Variants in SCML2 observed in about 807,000 individuals in gnomAD.
SCML2 encodes sex comb on midleg-like protein 2.
SCML2 carries 6 observed loss-of-function variants against 48.4 expected under a neutral mutation model. The observed-to-expected ratio is 0.12, with a 90% confidence interval of 0.07 to 0.24. SCML2 has a LOEUF of 0.24. Among genes scored for constraint, SCML2 ranks in the 10% least tolerant of loss-of-function variants. The pLI is 1.00. For synonymous variants in SCML2, 181 were observed against 189.5 expected (o/e 0.95, Z 0.37); for missense variants, 377 against 528.2 (o/e 0.71, Z 2.81).
intron 1 of SCML2, among the ~76,000 whole-genome samples, chrX:18,345,922 A>ATT (rs761796032): frequency 4.1e-5 from 4 of 98,371 alleles, no homozygotes; most frequent in African/African-American, 1.5e-4. Flanking sequence ...TCAGCAACTA[A>ATT]TTTTTTTTTT....
At chrX:18,273,583 T>C (rs1024610170) in intron 7 of SCML2, among the ~76,000 whole-genome samples, 1 of 111,751 alleles carries the variant, frequency 8.9e-6, no homozygotes, top group Non-Finnish European at 1.9e-5. Flanking sequence ...AGATGTGTTA[T>C]TCATGCCTGT....
intron 1 of SCML2, among the ~76,000 whole-genome samples, chrX:18,346,328 A>G (rs1930200753): frequency 9.0e-6 from 1 of 111,409 alleles, no homozygotes; most frequent in African/African-American, 3.3e-5. Flanking sequence ...TATAGAATTC[A>G]GTTTATAAAT....
intron 12 of SCML2, among the ~76,000 whole-genome samples, chrX:18,247,168 G>GT (rs1449419455): frequency 1.8e-5 from 2 of 110,326 alleles, no homozygotes; most frequent in African/African-American, 3.3e-5. Flanking sequence ...AATCTTTTGG[G>GT]TTTTTTTTAG....
chrX:18,264,930 C>T (rs989862281), intron 8 of SCML2, among the ~76,000 whole-genome samples: 1 of 111,825 alleles, frequency 8.9e-6, no homozygotes, highest in Non-Finnish European at 1.9e-5. Context: ...TTCCCTTTAA[C>T]AGCCACAGTT....
intron 11 of SCML2, among the ~76,000 whole-genome samples, chrX:18,254,518 T>C (rs1293525175): frequency 1.8e-5 from 2 of 112,778 alleles, no homozygotes; most frequent in Non-Finnish European, 3.7e-5. Flanking sequence ...TTGATTAATC[T>C]GAAAATTCAA....
chrX:18,331,712 T>C (rs1019269559), intron 2 of SCML2, among the ~76,000 whole-genome samples: 2 of 111,882 alleles, frequency 1.8e-5, no homozygotes, highest in African/African-American at 6.5e-5. Context: ...GGTTGATATG[T>C]CTCTTACATC....
chrX:18,282,401 G>A (rs1467077714), intron 7 of SCML2, among the ~76,000 whole-genome samples: 1 of 111,382 alleles, frequency 9.0e-6, no homozygotes, highest in Non-Finnish European at 1.9e-5. Flanking sequence ...ACTTTGGGAG[G>A]CCGAGGTGAG....
intron 7 of SCML2, among the ~76,000 whole-genome samples, chrX:18,296,256 T>G (rs1241865595): frequency 9.2e-6 from 1 of 109,139 alleles, no homozygotes; most frequent in African/African-American, 3.3e-5. Flanking sequence ...ACCAGAGAAA[T>G]AGATAGCATA....
chrX:18,245,605 C>T (rs758065156), intron 13 of SCML2, among the ~76,000 whole-genome samples: 1 of 112,054 alleles, frequency 8.9e-6, no homozygotes, highest in Admixed American at 9.4e-5. Flanking sequence ...ACTCCTCAAC[C>T]TCGCCTGCAT....
At chrX:18,350,584 A>G (rs191201415) in intron 1 of SCML2, among the ~76,000 whole-genome samples, 98 of 107,579 alleles carry the variant, frequency 9.1e-4, no homozygotes, top group African/African-American at 3.2e-3. Flanking sequence ...TCGGAAAAAA[A>G]AAAAAAAAAA....
chrX:18,329,970 C>T (rs1378394215), intron 3 of SCML2, among the ~76,000 whole-genome samples: 1 of 111,666 alleles, frequency 9.0e-6, no homozygotes, highest in Non-Finnish European at 1.9e-5. Context: ...CCCAGCTACT[C>T]GGGAGGCTGA....
chrX:18,296,968 A>T (rs1438383784), intron 7 of SCML2, among the ~76,000 whole-genome samples: 2 of 111,778 alleles, frequency 1.8e-5, no homozygotes, highest in African/African-American at 6.5e-5. Context: ...ACTACAGGTC[A>T]ATTTCCCTAC....
intron 7 of SCML2, among the ~76,000 whole-genome samples, chrX:18,281,389 T>G (rs1476797657): frequency 9.0e-6 from 1 of 111,301 alleles, no homozygotes; most frequent in Non-Finnish European, 1.9e-5. Context: ...AATGCCTTCA[T>G]CAACAAGTTA....
intron 1 of SCML2, among the ~76,000 whole-genome samples, chrX:18,353,547 A>G (rs923378750): frequency 2.7e-5 from 3 of 112,886 alleles, no homozygotes; most frequent in Non-Finnish European, 3.7e-5. Flanking sequence ...TTTCCAGAGA[A>G]GACCTAAAGT....
At chrX:18,249,538 C>T (rs766745139) in intron 11 of SCML2, among the ~76,000 whole-genome samples, 8 of 111,084 alleles carry the variant, frequency 7.2e-5, no homozygotes, top group Admixed American at 4.8e-4. Flanking sequence ...GGGCATCTGA[C>T]GGGGGAAAAT....
intron 6 of SCML2, among the ~76,000 whole-genome samples, chrX:18,317,400 GTACAA>G (rs1348644792): frequency 9.0e-6 from 1 of 111,553 alleles, no homozygotes; most frequent in African/African-American, 3.3e-5. Context: ...CTACACAAGA[GTACAA>G]TACAAGCTAA....
upstream of SCML2, chrX:18,354,730 G>A: frequency 1.3e-5 from 3 of 236,954 alleles, no homozygotes; most frequent in Non-Finnish European, 2.3e-5. Flanking sequence ...CTGCCGCCCC[G>A]CCCCCCGCGC....
At chrX:18,298,487 C>T (rs1379119145) in intron 7 of SCML2, among the ~76,000 whole-genome samples, 10 of 112,069 alleles carry the variant, frequency 8.9e-5, no homozygotes, top group South Asian at 3.7e-4. Flanking sequence ...TTGACAAAGG[C>T]GCCAAGAACG....
At chrX:18,337,628 C>T (rs910496542) in intron 1 of SCML2, among the ~76,000 whole-genome samples, 33 of 110,566 alleles carry the variant, frequency 3.0e-4, no homozygotes, top group African/African-American at 1.0e-3. Context: ...AGGCAGAAAC[C>T]GATAGAACTA....
Sources: allele counts gnomAD v4.1 joint callset (sites outside exome capture counted in the v4.1 genomes callset), GRCh38; gene constraint gnomAD v4.1.1; transcripts MANE v1.5; gene names NCBI Gene and HGNC (gene_info 2026-07-23, HGNC 2026-07-21).